The following EYS variants were observed in gnomAD, a reference collection of about 807,000 sequenced individuals.
EYS encodes EGF-like photoreceptor maintenance factor.
Under a neutral mutation model 282.1 loss-of-function variants are expected in EYS, and 250 were observed. That is an observed-to-expected ratio of 0.89 (90% CI 0.80 to 0.98). The LOEUF is 0.98. EYS is among the 50% of genes least tolerant of loss of function. EYS has a pLI of 0.00. For synonymous variants in EYS, 1,355 were observed against 1,282.9 expected (o/e 1.06, Z -1.20); for missense variants, 4,016 against 3,709.0 (o/e 1.08, Z -2.15).
chr6:64,153,647 C>T lies in EYS; in HGVS notation c.6425-71645G>A, dbSNP rs530710851. 5.6e-4 allele frequency among the ~76,000 whole-genome samples: 86 copies of T among 152,216 alleles called. 1 individual carries two copies. The South Asian group carries it at 9.7e-3, about 17-fold the overall frequency. ...TTCTTTAATTAAAAATAAAATCAGA[C>T]AATATCAAGAGCTGGTGATGATGTG... On this transcript the variant is annotated intron_variant, in intron 31 of 42. Transcript: ENST00000503581.
intron 2 of EYS, among the ~76,000 whole-genome samples, chr6:65,521,063 T>G (rs924541053): frequency 6.6e-6 from 1 of 152,282 alleles, no homozygotes; most frequent in South Asian, 2.1e-4. Flanking sequence ...TTTCTATCAT[T>G]CTGAACAAGT....
At chr6:64,603,215 C>T (rs1465639873) in intron 24 of EYS, among the ~76,000 whole-genome samples, 1 of 151,936 alleles carries the variant, frequency 6.6e-6, no homozygotes, top group Non-Finnish European at 1.5e-5. Flanking sequence ...TAATTAGCCC[C>T]ATTTAGCTTT....
chr6:64,693,817 A>G (rs1770483265), intron 22 of EYS, among the ~76,000 whole-genome samples: 1 of 152,190 alleles, frequency 6.6e-6, no homozygotes, highest in Non-Finnish European at 1.5e-5. Flanking sequence ...TGGAAGTTAA[A>G]AAAATAAGAC....
intron 31 of EYS, among the ~76,000 whole-genome samples, chr6:64,113,661 TTC>T (rs1773282329): frequency 6.6e-6 from 1 of 152,196 alleles, no homozygotes; most frequent in Non-Finnish European, 1.5e-5. Context: ...GGCAGTTCTG[TTC>T]TCTTTTTCTG....
intron 10 of EYS, among the ~76,000 whole-genome samples, chr6:65,335,527 AG>A (rs895045704): frequency 6.6e-6 from 1 of 151,754 alleles, no homozygotes; most frequent in Non-Finnish European, 1.5e-5. Flanking sequence ...TTATACAGAC[AG>A]GACATAAACT....
intron 2 of EYS, among the ~76,000 whole-genome samples, chr6:65,499,154 C>A (rs1025842090): frequency 1.3e-5 from 2 of 151,902 alleles, no homozygotes; most frequent in Non-Finnish European, 2.9e-5. Context: ...GTTATTCTAA[C>A]AAATAAAGTC....
At chr6:65,604,995 G>C (rs1306239613) in intron 2 of EYS, among the ~76,000 whole-genome samples, 1 of 149,074 alleles carries the variant, frequency 6.7e-6, no homozygotes, top group Non-Finnish European at 1.5e-5. Context: ...ACATATGGCC[G>C]ACCATGCCCA....
chr6:64,864,150 G>A (rs1766337807), intron 19 of EYS, among the ~76,000 whole-genome samples: 1 of 151,932 alleles, frequency 6.6e-6, no homozygotes, highest in South Asian at 2.1e-4. Context: ...TTATCAATTG[G>A]ATCCAAAAGT....
chr6:63,957,918 GACAA>G (rs1401335718), intron 35 of EYS, among the ~76,000 whole-genome samples: 2 of 140,844 alleles, frequency 1.4e-5, no homozygotes, highest in African/African-American at 4.9e-5. Flanking sequence ...GATTATGACA[GACAA>G]ACAATTTAGT....
At chr6:63,734,613 G>A (rs1260227326) in intron 41 of EYS, among the ~76,000 whole-genome samples, 1 of 152,102 alleles carries the variant, frequency 6.6e-6, no homozygotes, top group Non-Finnish European at 1.5e-5. Flanking sequence ...TTGAAAAATT[G>A]AAAGATCACA....
At chr6:64,430,557 T>A (rs1268282282) in intron 28 of EYS, among the ~76,000 whole-genome samples, 2 of 152,222 alleles carry the variant, frequency 1.3e-5, no homozygotes, top group African/African-American at 4.8e-5. Context: ...CAAATTCAAC[T>A]ACTAAGTGTT....
At chr6:64,618,746 A>G (rs906131386) in intron 23 of EYS, among the ~76,000 whole-genome samples, 2 of 152,144 alleles carry the variant, frequency 1.3e-5, no homozygotes, top group Non-Finnish European at 2.9e-5. Context: ...ATCTTCATCC[A>G]AGACTCTTTC....
chr6:64,620,769 AT>A (rs1388076846), intron 23 of EYS, among the ~76,000 whole-genome samples: 1 of 152,180 alleles, frequency 6.6e-6, no homozygotes, highest in African/African-American at 2.4e-5. Flanking sequence ...TTTTATGTTC[AT>A]TCTTAATAAG....
rs539938623 is a variant in EYS, at chr6:63,827,430, A to G, written c.7229-21058T>C. Among the ~76,000 whole-genome samples the G allele has an allele frequency of 3.9e-5, 6 of 152,354 alleles. No homozygotes were observed. In the East Asian group the frequency reaches 9.6e-4, roughly 24 times the overall value. On this transcript the variant is annotated intron_variant, in intron 36 of 42. Transcript: ENST00000503581. ...CTTGGAACAAATGGAATTAACAGATATATACAGAACATTTCATCCAACAAC... is the reference window on the plus strand; with the variant it reads ...CTTGGAACAAATGGAATTAACAGATGTATACAGAACATTTCATCCAACAAC...
intron 22 of EYS, among the ~76,000 whole-genome samples, chr6:64,698,389 G>A (rs1299479868): frequency 6.6e-6 from 1 of 151,874 alleles, no homozygotes; most frequent in Non-Finnish European, 1.5e-5. Flanking sequence ...ATAAAAAATT[G>A]GTTGTTAAAA....
intron 1 of EYS, among the ~76,000 whole-genome samples, chr6:65,663,988 C>A (rs1768112464): frequency 6.7e-6 from 1 of 149,962 alleles, no homozygotes; most frequent in African/African-American, 2.5e-5. Flanking sequence ...TCTCCTGCCT[C>A]AGTCCCCAGA....
chr6:64,913,133 G>T (rs1447614507), intron 15 of EYS, among the ~76,000 whole-genome samples: 15 of 152,028 alleles, frequency 9.9e-5, no homozygotes. Flanking sequence ...AGCGTCCTTA[G>T]CAATATGTGA....
intron 12 of EYS, among the ~76,000 whole-genome samples, chr6:65,213,578 C>G (rs1562026127): frequency 6.6e-6 from 1 of 152,056 alleles, no homozygotes; most frequent in Non-Finnish European, 1.5e-5. Flanking sequence ...GCTCTGTGTT[C>G]AGCGATCTCT....
chr6:65,353,901 C>A (rs1471595754), intron 8 of EYS, among the ~76,000 whole-genome samples: 1 of 151,976 alleles, frequency 6.6e-6, no homozygotes, highest in Non-Finnish European at 1.5e-5. Context: ...TATAATACAT[C>A]TTTCCCCTCA....
Sources: gnomAD v4.1 joint callset for allele counts (sites outside exome capture counted in the v4.1 genomes callset) on GRCh38, gnomAD v4.1.1 for gene constraint, MANE v1.5 for transcripts, NCBI Gene and HGNC (gene_info 2026-07-23, HGNC 2026-07-21) for gene names.